The following CDKL5 variants were observed in gnomAD, a reference collection of about 807,000 sequenced individuals.
The protein encoded by CDKL5 is cyclin-dependent kinase-like 5.
Under a neutral mutation model 61.7 loss-of-function variants are expected in CDKL5, and 8 were observed. That is an observed-to-expected ratio of 0.13 (90% CI 0.08 to 0.23). The LOEUF (loss-of-function observed/expected upper bound fraction) is 0.23. Ranked by LOEUF, CDKL5 falls within the 10% of genes least tolerant of loss-of-function variation. The pLI is 1.00. For missense variants in CDKL5, 440 were observed against 734.5 expected (o/e 0.60, Z 4.63); for synonymous variants, 275 against 272.3 (o/e 1.01, Z -0.10).
intron 3 of CDKL5, among the ~76,000 whole-genome samples, chrX:18,540,274 T>C (rs2147115225): frequency 9.0e-6 from 1 of 110,951 alleles, no homozygotes; most frequent in South Asian, 3.8e-4. Context: ...CTTCCCGGGC[T>C]CAAGCGATTC....
chrX:18,607,115 G>A (rs1926390589), intron 12 of CDKL5, among the ~76,000 whole-genome samples: 1 of 111,840 alleles, frequency 8.9e-6, no homozygotes, highest in Non-Finnish European at 1.9e-5. Flanking sequence ...TATGAGGCAA[G>A]CTCCAGGTGC....
chrX:18,560,855 G>C lies in CDKL5; in HGVS notation c.100-3622G>C, dbSNP rs772362765. ...ATTTTTATTTCAAAGAAAAGGAAAAGTCCTAACAGTATTTAGGCAGAAAAA... is the reference window on the plus strand; with the variant it reads ...ATTTTTATTTCAAAGAAAAGGAAAACTCCTAACAGTATTTAGGCAGAAAAA... On this transcript the variant is annotated intron_variant, in intron 3 of 17. Coordinates refer to ENST00000623535, the MANE Select transcript of CDKL5 (RefSeq NM_001323289.2). Among the ~76,000 whole-genome samples, 517 of 110,726 alleles carry C rather than the reference G, an allele frequency of 4.7e-3. 4 individuals are homozygous for C. Among genetic ancestry groups the C allele is most frequent in the African/African-American group, 0.015 (469 of 30,487 alleles).
chrX:18,629,861 C>T lies in CDKL5; in HGVS notation c.*1104C>T, dbSNP rs1927185982. 1 of 752,695 alleles carries T rather than the reference C, an allele frequency of 1.3e-6. No individual in the cohort carries two copies. The highest frequency in any genetic ancestry group is 1.6e-6 in the Non-Finnish European group (1 of 639,091). The allele number at this position is 752,695 out of a possible 1,213,427, so 62.0% of individuals were successfully genotyped here. On this transcript the variant is annotated 3_prime_UTR_variant, in exon 18 of 18. Coordinates refer to ENST00000623535, the MANE Select transcript of CDKL5 (RefSeq NM_001323289.2). ...TGGGTCTTTGTAGAGAGAATGTGCT[C>T]TTCCACTTAGCATTAGTGTAGAGCG...
intron 3 of CDKL5, among the ~76,000 whole-genome samples, chrX:18,539,633 C>T (rs1923953535): frequency 9.0e-6 from 1 of 111,468 alleles, no homozygotes; most frequent in Admixed American, 9.5e-5. Context: ...AAGATGTGTT[C>T]TGTCTTGGTG....
At chrX:18,521,991 T>C (rs1024091866) in intron 3 of CDKL5, among the ~76,000 whole-genome samples, 1 of 112,171 alleles carries the variant, frequency 8.9e-6, no homozygotes, top group Non-Finnish European at 1.9e-5. Flanking sequence ...CCAACTTTGT[T>C]ATTCTTTTTC....
chrX:18,552,161 C>A (rs190086457), intron 3 of CDKL5, among the ~76,000 whole-genome samples: 6 of 106,757 alleles, frequency 5.6e-5, no homozygotes, highest in African/African-American at 1.7e-4. Context: ...TTGCTTGAAC[C>A]TGGGAGGCGG....
At position 18,536,432 on chromosome X, in the gene CDKL5, GTTTTTTTTTTTTTTTT is replaced by G. The variant is rs746308567; in HGVS notation, c.99+25595_99+25610del. 3.9e-3 allele frequency among the ~76,000 whole-genome samples: 160 copies of G among 40,575 alleles called. 1 individual carries two copies. The highest frequency in any genetic ancestry group is 0.037 in the South Asian group (13 of 354). The allele number at this position is 40,575 out of a possible 115,157, so 35.2% of individuals were successfully genotyped here. On this transcript the variant is annotated intron_variant, in intron 3 of 17. Transcript: ENST00000623535. ...AGAGAGTATTATTTATTCAATACAGGTTTTTTTTTTTTTTTTTTTTTTTTTTTTTTTTGAGACGGAG... is the reference window on the plus strand; with the variant it reads ...AGAGAGTATTATTTATTCAATACAGGTTTTTTTTTTTTTTTTGAGACGGAG...
chrX:18,623,650 A>G (rs1172126206), intron 16 of CDKL5, among the ~76,000 whole-genome samples: 1 of 111,379 alleles, frequency 9.0e-6, no homozygotes, highest in Non-Finnish European at 1.9e-5. Context: ...GGTATTGATC[A>G]TGATCTCACA....
At chrX:18,514,967 T>A (rs1749205843) in intron 3 of CDKL5, among the ~76,000 whole-genome samples, 1 of 109,741 alleles carries the variant, frequency 9.1e-6, no homozygotes, top group Non-Finnish European at 1.9e-5. Context: ...CCCGGCTAAT[T>A]TTTGTATTTT....
intron 3 of CDKL5, among the ~76,000 whole-genome samples, chrX:18,548,504 A>T (rs1447573080): frequency 8.9e-6 from 1 of 112,472 alleles, no homozygotes; most frequent in Non-Finnish European, 1.9e-5. Flanking sequence ...AAAAATTGTT[A>T]CTACCTATGT....
chrX:18,553,693 C>T (rs901732005), intron 3 of CDKL5, among the ~76,000 whole-genome samples: 1 of 111,252 alleles, frequency 9.0e-6, no homozygotes, highest in African/African-American at 3.3e-5. Context: ...TGGGGTTTTA[C>T]CATGTTGGCC....
chrX:18,567,671 A>T (rs1925011331), intron 4 of CDKL5, among the ~76,000 whole-genome samples: 1 of 111,372 alleles, frequency 9.0e-6, no homozygotes, highest in African/African-American at 3.3e-5. Context: ...TGCTTGAGCC[A>T]GGAGTTTGAG....
rs1927454413 is a variant in CDKL5, at chrX:18,638,247, A to G, written c.*9490A>G. The stretch of plus-strand genomic sequence containing the variant: ...GAATCAGCTCAGATTTTTTTTCCTT[A>G]ATATTGGCAACACTTAATGCTACTT... On this transcript the variant is annotated 3_prime_UTR_variant, in exon 18 of 18. Coordinates refer to ENST00000623535, the MANE Select transcript of CDKL5 (RefSeq NM_001323289.2). 1 of 111,999 alleles carries G rather than the reference A, an allele frequency of 8.9e-6. No homozygotes were observed. Among genetic ancestry groups the G allele is most frequent in the African/African-American group, 3.2e-5 (1 of 30,772 alleles). 9.2% of individuals were successfully genotyped at this position (111,999 alleles called of 1,213,427 possible).
At position 18,584,331 on chromosome X, in the gene CDKL5, C is replaced by A. The variant is rs267608493; in HGVS notation, c.532C>A (p.Arg178=). 3 of 1,190,708 alleles carry A rather than the reference C, an allele frequency of 2.5e-6. No individual in the cohort carries two copies. The highest frequency in any genetic ancestry group is 3.4e-6 in the Non-Finnish European group (3 of 877,735). ...AGAGTACGTTGCCACCAGATGGTAT[C>A]GGTCCCCAGAACTCTTACTTGGGTG... is the stretch of plus-strand genomic sequence containing the variant. The part of the protein sequence containing the change: ...YTEYVATRWY[R]SPELLLGAPY... Residue 178 remains arginine (R), a synonymous_variant, in exon 8 of 18, where the codon CGG becomes AGG. Transcript: ENST00000623535.
intron 3 of CDKL5, among the ~76,000 whole-genome samples, chrX:18,524,898 T>C (rs1923374256): frequency 9.0e-6 from 1 of 111,516 alleles, no homozygotes; most frequent in Non-Finnish European, 1.9e-5. Flanking sequence ...ATCTGCTGAT[T>C]GTAATTGTGT....
intron 1 of CDKL5, among the ~76,000 whole-genome samples, chrX:18,502,108 C>T (rs1394504797): frequency 8.9e-6 from 1 of 111,776 alleles, no homozygotes; most frequent in African/African-American, 3.2e-5. Context: ...TTGTCATTGC[C>T]ATCTCAGCTC....
chrX:18,603,208 T>G (rs1398864806), intron 11 of CDKL5, among the ~76,000 whole-genome samples: 1 of 112,229 alleles, frequency 8.9e-6, no homozygotes, highest in Non-Finnish European at 1.9e-5. Context: ...AGTACAGGAT[T>G]CCTGTTTACT....
rs777793089 is a variant in CDKL5 at position 18,620,064 on chromosome X, C to T, written c.2376+98C>T. The T allele has an allele frequency of 1.1e-4, 59 of 536,977 alleles. No individual in the cohort carries two copies. In the African/African-American group the frequency reaches 1.4e-3, roughly 13 times the overall value. 44.3% of individuals were successfully genotyped at this position (536,977 alleles called of 1,213,427 possible). A position where few individuals can be genotyped will look rare whatever the true frequency, so the allele number is the denominator to read the frequency against. On this transcript the variant is annotated intron_variant, in intron 16 of 17. Transcript: ENST00000623535. ...CTTGGCAATCAAAGTTGATTGTTTT[C>T]TTATTGAGACTTGACATTTTTGCAC...
intron 1 of CDKL5, among the ~76,000 whole-genome samples, chrX:18,487,911 G>A (rs1921850282): frequency 9.0e-6 from 1 of 111,008 alleles, no homozygotes. Context: ...GTGAGACTCC[G>A]TCTCGGGGGA....
Sources: gnomAD v4.1 joint callset for allele counts (sites outside exome capture counted in the v4.1 genomes callset) on GRCh38, gnomAD v4.1.1 for gene constraint, MANE v1.5 for transcripts, NCBI Gene and HGNC (gene_info 2026-07-23, HGNC 2026-07-21) for gene names.